Variants in POT1 observed in about 807,000 individuals in gnomAD.
The protein encoded by POT1 is protection of telomeres protein 1.
In POT1, 47 loss-of-function variants were observed where a neutral mutation model predicts 78.5. The observed-to-expected ratio is 0.60, with a 90% CI of 0.47 to 0.76. The LOEUF (loss-of-function observed/expected upper bound fraction) is 0.76, where lower values mean the gene tolerates loss of function less well. Among genes scored for constraint, POT1 ranks in the 30% least tolerant of loss-of-function variants. POT1 has a pLI of 0.00. For synonymous variants in POT1, 259 were observed against 260.7 expected (o/e 0.99, Z 0.06); for missense variants, 646 against 749.9 (o/e 0.86, Z 1.62).
Position 124,822,643 on chromosome 7 carries a change from A to G in POT1, c.*1319T>C. 2.5e-6 allele frequency: 1 copy of G among 393,712 alleles called. No homozygotes were observed. Among genetic ancestry groups the G allele is most frequent in the Non-Finnish European group, 5.3e-6 (1 of 187,594 alleles). The allele number at this position is 393,712 out of a possible 1,614,324, so 24.4% of individuals were successfully genotyped here. On this transcript the variant is annotated 3_prime_UTR_variant, in exon 19 of 19. Coordinates refer to ENST00000357628, the MANE Select transcript of POT1 (RefSeq NM_015450.3). ...CTGTTCAACTGTAGGGTTTTAAAATATTTTTCCTGAAAATGTTTTGAACCA... is the reference window on the plus strand; with the variant it reads ...CTGTTCAACTGTAGGGTTTTAAAATGTTTTTCCTGAAAATGTTTTGAACCA...
chr7:124,836,383 T>C (rs549868304), intron 14 of POT1, among the ~76,000 whole-genome samples: 1 of 152,298 alleles, frequency 6.6e-6, no homozygotes, highest in South Asian at 2.1e-4. Context: ...TATATCATAT[T>C]GCAGCTAGAT....
chr7:124,891,077 T>A (rs1285612151), intron 6 of POT1, among the ~76,000 whole-genome samples: 1 of 151,770 alleles, frequency 6.6e-6, no homozygotes, highest in Non-Finnish European at 1.5e-5. Context: ...CTTATTGATC[T>A]CTGTCTGGAT....
chr7:124,901,396 T>G (rs899014470), intron 3 of POT1, among the ~76,000 whole-genome samples: 1 of 152,060 alleles, frequency 6.6e-6, no homozygotes, highest in Non-Finnish European at 1.5e-5. Flanking sequence ...GGGTCTGGAG[T>G]TGACCTGCAG....
chr7:124,852,943 T>G (rs764844386), intron 10 of POT1, 29 bp downstream of exon 10: 2 of 1,593,414 alleles, frequency 1.3e-6, no homozygotes, highest in East Asian at 2.2e-5. Flanking sequence ...CGATACCTTA[T>G]TTACATTTTC....
At chr7:124,886,487 A>C (rs1796246304) in intron 6 of POT1, among the ~76,000 whole-genome samples, 1 of 152,140 alleles carries the variant, frequency 6.6e-6, no homozygotes, top group South Asian at 2.1e-4. Context: ...AACTGAAGTT[A>C]CTAGAGAGAG....
chr7:124,877,544 A>G (rs1796017773), intron 6 of POT1, among the ~76,000 whole-genome samples: 1 of 152,042 alleles, frequency 6.6e-6, no homozygotes, highest in South Asian at 2.1e-4. Flanking sequence ...CCATTAAAAA[A>G]AAGAGTAATC....
rs139093309 is a variant in POT1, at chr7:124,924,637, T to A, written c.-227+4178A>T. Among the ~76,000 whole-genome samples the A allele has an allele frequency of 2.6e-5, 4 of 152,112 alleles. No individual in the cohort carries two copies. The East Asian group carries it at 7.7e-4, about 29-fold the overall frequency. On this transcript the variant is annotated intron_variant, in intron 2 of 18. Coordinates refer to ENST00000357628, the MANE Select transcript of POT1 (RefSeq NM_015450.3). ...CTCATTCTACAAGGTATCACCCTGATATCAAAACCAGACAAAGAACACAAA... is the reference window on the plus strand; with the variant it reads ...CTCATTCTACAAGGTATCACCCTGAAATCAAAACCAGACAAAGAACACAAA...
At chr7:124,835,002 C>A (rs1287627741) in intron 15 of POT1, among the ~76,000 whole-genome samples, 4 of 152,102 alleles carry the variant, frequency 2.6e-5, no homozygotes, top group African/African-American at 9.7e-5. Flanking sequence ...AACAGAAAAC[C>A]AAACACTGCA....
In POT1 at chr7:124,892,561, A is replaced by T. The variant is rs545883744; in HGVS notation, c.10-181T>A. 7.9e-6 allele frequency: 3 copies of T among 378,170 alleles called. No individual in the cohort carries two copies. The South Asian group carries it at 2.5e-4, about 32-fold the overall frequency. 23.4% of individuals were successfully genotyped at this position (378,170 alleles called of 1,614,324 possible). Reference sequence around the variant, plus strand: ...GCTTATCCAACTAGTTTTCCTTAGAACTTTGTTTATAAATGGTACAATTTG... The same window carrying T: ...GCTTATCCAACTAGTTTTCCTTAGATCTTTGTTTATAAATGGTACAATTTG... On this transcript the variant is annotated intron_variant, in intron 5 of 18. Coordinates refer to ENST00000357628, the MANE Select transcript of POT1 (RefSeq NM_015450.3).
chr7:124,823,488 C>T lies in POT1; in HGVS notation c.*474G>A, dbSNP rs925196311. ...TAATAGCGGCATATTTTACATGAGACTATTAGAAAAGGATAATATTAAGTC... is the reference window on the plus strand; with the variant it reads ...TAATAGCGGCATATTTTACATGAGATTATTAGAAAAGGATAATATTAAGTC... On this transcript the variant is annotated 3_prime_UTR_variant, in exon 19 of 19. Coordinates refer to ENST00000357628, the MANE Select transcript of POT1 (RefSeq NM_015450.3). 6.6e-6 allele frequency: 1 copy of T among 152,086 alleles called. No homozygotes were observed. The highest frequency in any genetic ancestry group is 2.4e-5 in the African/African-American group (1 of 41,386). The allele number at this position is 152,086 out of a possible 1,614,324, so 9.4% of individuals were successfully genotyped here. A position where few individuals can be genotyped will look rare whatever the true frequency, so the allele number is the denominator to read the frequency against.
chr7:124,879,865 A>G (rs1428346968), intron 6 of POT1, among the ~76,000 whole-genome samples: 1 of 151,902 alleles, frequency 6.6e-6, no homozygotes, highest in African/African-American at 2.4e-5. Flanking sequence ...AAATCCCACA[A>G]TACACAATAC....
chr7:124,902,670 T>C (rs1311361000), intron 3 of POT1, among the ~76,000 whole-genome samples: 1 of 152,158 alleles, frequency 6.6e-6, no homozygotes, highest in Non-Finnish European at 1.5e-5. Flanking sequence ...AATTCACATA[T>C]AACAATATTA....
At chr7:124,862,942 A>C (rs1354115663) in intron 8 of POT1, among the ~76,000 whole-genome samples, 1 of 152,188 alleles carries the variant, frequency 6.6e-6, no homozygotes, top group Non-Finnish European at 1.5e-5. Flanking sequence ...AGGCAGTGAA[A>C]GACATAAGAA....
At chr7:124,859,735 C>A (rs1400987160) in intron 8 of POT1, among the ~76,000 whole-genome samples, 12 of 147,194 alleles carry the variant, frequency 8.2e-5, no homozygotes, top group East Asian at 4.0e-4. Context: ...AAAAAAAAAA[C>A]CATAAAACAA....
At chr7:124,850,546 T>G (rs1175592743) in intron 11 of POT1, among the ~76,000 whole-genome samples, 1 of 152,038 alleles carries the variant, frequency 6.6e-6, no homozygotes, top group East Asian at 1.9e-4. Flanking sequence ...GCTAACACAG[T>G]GAAACCCCGT....
intron 3 of POT1, among the ~76,000 whole-genome samples, chr7:124,907,065 G>A (rs1197496638): frequency 6.6e-6 from 1 of 151,870 alleles, no homozygotes; most frequent in Non-Finnish European, 1.5e-5. Flanking sequence ...AACTCAATTG[G>A]GTGAAAAAAG....
intron 15 of POT1, among the ~76,000 whole-genome samples, chr7:124,832,252 CAAA>C (rs372881075): frequency 2.6e-5 from 2 of 75,622 alleles, no homozygotes; most frequent in African/African-American, 5.8e-5. Context: ...ACACTGTCTC[CAAA>C]AAAAAAAAAA....
intron 3 of POT1, among the ~76,000 whole-genome samples, chr7:124,913,798 C>A (rs545335938): frequency 1.3e-5 from 2 of 152,098 alleles, no homozygotes; most frequent in East Asian, 3.9e-4. Context: ...ATTTCTTCTT[C>A]TTATTTAACT....
At chr7:124,838,667 G>A (rs966178849) in intron 14 of POT1, among the ~76,000 whole-genome samples, 2 of 151,646 alleles carry the variant, frequency 1.3e-5, no homozygotes, top group African/African-American at 4.8e-5. Context: ...GTGCAATGGC[G>A]CGATCTCGGC....
Sources: allele counts gnomAD v4.1 joint callset (sites outside exome capture counted in the v4.1 genomes callset), GRCh38; gene constraint gnomAD v4.1.1; transcripts MANE v1.5; gene names NCBI Gene and HGNC (gene_info 2026-07-23, HGNC 2026-07-21).